The following CAMK1D variants were observed in gnomAD, a reference collection of about 807,000 sequenced individuals.
The protein encoded by CAMK1D is calcium/calmodulin dependent protein kinase ID.
In CAMK1D, 9 loss-of-function variants were observed where a neutral mutation model predicts 47.7. The ratio of observed to expected loss-of-function variants is 0.19; its 90% CI spans 0.11 to 0.33. The LOEUF is 0.33. CAMK1D is among the 10% of genes least tolerant of loss of function. CAMK1D has a pLI of 1.00. For missense variants in CAMK1D, 291 were observed against 488.7 expected, an observed-to-expected ratio of 0.60 and a Z score of 3.81; for synonymous variants, 184 against 184.9, an observed-to-expected ratio of 0.99 and a Z score of 0.04.
At chr10:12,452,961 A>G (rs1224711664) in intron 1 of CAMK1D, among the ~76,000 whole-genome samples, 2 of 152,038 alleles carry the variant, frequency 1.3e-5, no homozygotes, top group African/African-American at 4.8e-5. Flanking sequence ...GAACTTTTTC[A>G]TCTTCCCAGA....
intron 3 of CAMK1D, among the ~76,000 whole-genome samples, chr10:12,687,693 CAA>C (rs975558369): frequency 6.6e-6 from 1 of 152,216 alleles, no homozygotes; most frequent in African/African-American, 2.4e-5. Flanking sequence ...CCAGTGCAAA[CAA>C]GAGAGCCATG....
chr10:12,703,409 C>T (rs1833603188), intron 3 of CAMK1D, among the ~76,000 whole-genome samples: 1 of 152,168 alleles, frequency 6.6e-6, no homozygotes, highest in Non-Finnish European at 1.5e-5. Flanking sequence ...ACCCACAGGC[C>T]ATGGGAGTCC....
intron 3 of CAMK1D, among the ~76,000 whole-genome samples, chr10:12,669,399 T>A (rs933963302): frequency 3.7e-4 from 57 of 152,284 alleles, no homozygotes; most frequent in African/African-American, 1.3e-3. Context: ...AGGCAATGAA[T>A]GTTTGAATTA....
At chr10:12,704,984 A>T (rs548960408) in intron 3 of CAMK1D, among the ~76,000 whole-genome samples, 1 of 152,180 alleles carries the variant, frequency 6.6e-6, no homozygotes, top group African/African-American at 2.4e-5. Context: ...GCTCTCTTTC[A>T]TAGTCTAGTG....
chr10:12,657,078 A>T (rs76773672), intron 2 of CAMK1D, among the ~76,000 whole-genome samples: 1 of 152,160 alleles, frequency 6.6e-6, no homozygotes, highest in East Asian at 1.9e-4. Flanking sequence ...TTTTATGGAT[A>T]TATTTTGGTA....
chr10:12,400,499 C>T (rs972812786), intron 1 of CAMK1D, among the ~76,000 whole-genome samples: 3 of 152,208 alleles, frequency 2.0e-5, no homozygotes, highest in Non-Finnish European at 4.4e-5. Context: ...CTGCCCAAGA[C>T]TCCCAATTTA....
At chr10:12,591,725 G>A (rs1210504610) in intron 2 of CAMK1D, among the ~76,000 whole-genome samples, 2 of 152,140 alleles carry the variant, frequency 1.3e-5, no homozygotes, top group South Asian at 2.1e-4. Context: ...ACGGAGTCTC[G>A]CCCTGTCCCC....
At chr10:12,561,399 C>T (rs1359891873) in intron 2 of CAMK1D, among the ~76,000 whole-genome samples, 6 of 152,048 alleles carry the variant, frequency 3.9e-5, no homozygotes, top group South Asian at 2.1e-4. Context: ...CTGTGAAAAC[C>T]GGGCTCTGCG....
chr10:12,617,559 C>T (rs1170755219), intron 2 of CAMK1D, among the ~76,000 whole-genome samples: 2 of 152,186 alleles, frequency 1.3e-5, no homozygotes, highest in Non-Finnish European at 2.9e-5. Context: ...TTTCTGCTTT[C>T]GGGGGAGCCG....
chr10:12,630,357 T>G (rs1346441761), intron 2 of CAMK1D, among the ~76,000 whole-genome samples: 3 of 149,140 alleles, frequency 2.0e-5, no homozygotes, highest in Non-Finnish European at 4.4e-5. Flanking sequence ...TGCTAAGATT[T>G]ACTTTCTTTT....
At position 12,412,148 on chromosome 10, in the gene CAMK1D, C is replaced by G. The variant is rs545993450; in HGVS notation, c.92+62238C>G. On this transcript the variant is annotated intron_variant, in intron 1 of 10. Transcript: ENST00000619168. ...CCATTTTACAGCAAATGGGGCTTTT[C>G]TTTTATCACAGTCCTCATCTCCTGG... Among the ~76,000 whole-genome samples, 5 of 152,262 alleles carry G rather than the reference C, an allele frequency of 3.3e-5. No individual in the cohort carries two copies. The South Asian group carries it at 1.0e-3, about 32-fold the overall frequency.
At chr10:12,547,023 G>C (rs1187746589) in intron 1 of CAMK1D, among the ~76,000 whole-genome samples, 2 of 152,144 alleles carry the variant, frequency 1.3e-5, no homozygotes, top group East Asian at 3.8e-4. Flanking sequence ...GGCTCAGACT[G>C]TGGAAACAGC....
chr10:12,673,584 A>G (rs577070792), intron 3 of CAMK1D, among the ~76,000 whole-genome samples: 92 of 152,260 alleles, frequency 6.0e-4, no homozygotes, highest in Admixed American at 2.5e-3. Context: ...AATTTACATT[A>G]ATTCTAGTTA....
intron 2 of CAMK1D, among the ~76,000 whole-genome samples, chr10:12,633,476 A>G (rs1839433975): frequency 6.6e-6 from 1 of 152,156 alleles, no homozygotes; most frequent in South Asian, 2.1e-4. Context: ...GCTTATTAAC[A>G]GCGTCCTTAT....
intron 1 of CAMK1D, among the ~76,000 whole-genome samples, chr10:12,521,758 A>G (rs917110274): frequency 3.3e-5 from 5 of 152,180 alleles, no homozygotes; most frequent in Non-Finnish European, 5.9e-5. Flanking sequence ...CATATTTTGA[A>G]GCCCTGTTTT....
chr10:12,501,845 A>T (rs908765284), intron 1 of CAMK1D, among the ~76,000 whole-genome samples: 9 of 93,670 alleles, frequency 9.6e-5, no homozygotes, highest in African/African-American at 3.2e-4. Context: ...GGTATGTCTC[A>T]AGGGTGTGGT....
chr10:12,813,694 T>C (rs1832692730), intron 6 of CAMK1D, among the ~76,000 whole-genome samples: 1 of 152,190 alleles, frequency 6.6e-6, no homozygotes. Flanking sequence ...CCTTGCGGAA[T>C]GTGTGCTTTC....
At chr10:12,739,738 G>A (rs1835346693) in intron 3 of CAMK1D, among the ~76,000 whole-genome samples, 1 of 152,052 alleles carries the variant, frequency 6.6e-6, no homozygotes, top group African/African-American at 2.4e-5. Flanking sequence ...TGTTTGTACT[G>A]AGCATGTACT....
At chr10:12,425,463 G>A (rs1287875447) in intron 1 of CAMK1D, among the ~76,000 whole-genome samples, 3 of 151,984 alleles carry the variant, frequency 2.0e-5, no homozygotes, top group African/African-American at 7.2e-5. Context: ...TGTATTTTTA[G>A]TAGAGACGGG....
Sources: allele counts gnomAD v4.1 joint callset (sites outside exome capture counted in the v4.1 genomes callset), GRCh38; gene constraint gnomAD v4.1.1; transcripts MANE v1.5; gene names NCBI Gene and HGNC (gene_info 2026-07-23, HGNC 2026-07-21).